Variants in TEX9 observed in about 807,000 individuals in gnomAD.
The protein encoded by TEX9 is testis-expressed protein 9.
A neutral mutation model predicts 59.6 loss-of-function variants in TEX9; 74 were observed. The ratio of observed to expected loss-of-function variants is 1.24; its 90% CI spans 1.03 to 1.51. TEX9 has a LOEUF of 1.51. Ranked by LOEUF, TEX9 falls within the 40% of genes most tolerant of loss-of-function variation. The pLI is 0.00. For missense variants in TEX9, 522 were observed against 447.8 expected, an observed-to-expected ratio of 1.17 and a Z score of -1.49; for synonymous variants, 186 against 152.2, an observed-to-expected ratio of 1.22 and a Z score of -1.64.
chr15:56,443,706 G>C (rs760490913), intron 12 of TEX9: 2 of 1,613,004 alleles, frequency 1.2e-6, no homozygotes, highest in Non-Finnish European at 1.7e-6. Context: ...TCTTCTCTTT[G>C]CTGCTGCATG....
intron 1 of TEX9, among the ~76,000 whole-genome samples, chr15:56,262,891 T>G (rs74616931): frequency 6.6e-6 from 1 of 152,202 alleles, no homozygotes; most frequent in African/African-American, 2.4e-5. Context: ...CCTTAAAGTT[T>G]ACTTTGTCTG....
intron 2 of TEX9, among the ~76,000 whole-genome samples, chr15:56,369,268 G>A (rs1446698400): frequency 6.6e-6 from 1 of 151,920 alleles, no homozygotes; most frequent in Non-Finnish European, 1.5e-5. Context: ...ATGGCTCATT[G>A]CAGCTTCCAC....
intron 9 of TEX9, chr15:56,395,379 A>G: frequency 6.6e-6 from 1 of 152,244 alleles, no homozygotes; most frequent in East Asian, 1.9e-4. Context: ...ATCAGTTCGT[A>G]GCTTTAGGTT....
intron 10 of TEX9, among the ~76,000 whole-genome samples, chr15:56,419,343 T>C (rs2049856725): frequency 6.6e-6 from 1 of 151,876 alleles, no homozygotes; most frequent in Admixed American, 6.5e-5. Context: ...CTTTGTGGGC[T>C]ACATATGGTC....
At chr15:56,245,511 A>G (rs545924339) in intron 1 of TEX9, among the ~76,000 whole-genome samples, 3 of 152,314 alleles carry the variant, frequency 2.0e-5, no homozygotes, top group African/African-American at 4.8e-5. Flanking sequence ...TTTTGCATAC[A>G]TATCTTCATG....
chr15:56,425,275 T>G (rs2050187037), intron 10 of TEX9, among the ~76,000 whole-genome samples: 1 of 152,206 alleles, frequency 6.6e-6, no homozygotes, highest in South Asian at 2.1e-4. Flanking sequence ...ATCCATTTCT[T>G]TCCTTAAATT....
chr15:56,348,961 C>A (rs2046524758), intron 1 of TEX9, among the ~76,000 whole-genome samples: 1 of 151,118 alleles, frequency 6.6e-6, no homozygotes, highest in Non-Finnish European at 1.5e-5. Flanking sequence ...TGAATAATTT[C>A]TACGGACCTA....
chr15:56,408,224 C>T (rs943033108), intron 9 of TEX9, among the ~76,000 whole-genome samples: 1 of 152,210 alleles, frequency 6.6e-6, no homozygotes, highest in Non-Finnish European at 1.5e-5. Context: ...CATCTCTACC[C>T]TGCCATTGAA....
intron 12 of TEX9, among the ~76,000 whole-genome samples, chr15:56,436,007 A>G (rs1210567333): frequency 1.3e-5 from 2 of 152,066 alleles, no homozygotes; most frequent in Non-Finnish European, 2.9e-5. Context: ...TCAATGTAAT[A>G]TACTTGGCTA....
intron 3 of TEX9, among the ~76,000 whole-genome samples, chr15:56,379,207 G>T (rs1308025413): frequency 1.3e-5 from 2 of 151,950 alleles, no homozygotes; most frequent in Non-Finnish European, 2.9e-5. Flanking sequence ...TTCCCTCTCA[G>T]TACTGCTTTC....
intron 3 of TEX9, among the ~76,000 whole-genome samples, chr15:56,383,351 G>C (rs1239249333): frequency 6.6e-6 from 1 of 152,294 alleles, no homozygotes; most frequent in East Asian, 1.9e-4. Context: ...GTTAAAACCA[G>C]GTACTGTGTT....
rs974772471 is a variant in TEX9, at chr15:56,400,339, G to C, written c.828+5505G>C. On this transcript the variant is annotated intron_variant, in intron 9 of 12. Coordinates refer to ENST00000352903, the Ensembl canonical transcript of TEX9. ...CGGCACGAAAACTCCGTGATGCGTG[G>C]ACAAGCTTCAATAGCCAATTTGATC... Among the ~76,000 whole-genome samples, 4 of 152,140 alleles carry C rather than the reference G, an allele frequency of 2.6e-5. 1 individual carries two copies. The highest frequency in any genetic ancestry group is 2.1e-4 in the South Asian group (1 of 4,828).
chr15:56,338,508 C>CCCTT (rs1324195623), intron 1 of TEX9, among the ~76,000 whole-genome samples: 1 of 152,178 alleles, frequency 6.6e-6, no homozygotes, highest in East Asian at 1.9e-4. Flanking sequence ...AGACAGTGAT[C>CCCTT]CCTTGTATAG....
rs192539881 is a variant in TEX9, at chr15:56,302,817, A to T, written c.-107+58539A>T. ...TAATCGGTTGCCTATTCCAAGAAAC[A>T]CACTTCACCTATAAAGACACACATA... On this transcript the variant is annotated intron_variant, in intron 1 of 5. Transcript: ENST00000560827. Among the ~76,000 whole-genome samples, 13 of 152,330 alleles carry T rather than the reference A, an allele frequency of 8.5e-5. No homozygotes were observed. In the East Asian group the frequency reaches 2.5e-3, roughly 29 times the overall value.
rs1489092511 is a variant in TEX9 at position 56,267,139 on chromosome 15, T to A, written c.-107+22861T>A. 2.6e-5 allele frequency among the ~76,000 whole-genome samples: 4 copies of A among 152,240 alleles called. No individual in the cohort carries two copies. The East Asian group carries it at 7.7e-4, about 29-fold the overall frequency. On this transcript the variant is annotated intron_variant, in intron 1 of 5. Coordinates refer to the TEX9 transcript ENST00000560827. ...TAAATGTCTTCTTTTGAAAAGTGTC[T>A]GTTCATGTCCTTTGCCCAGTTTTTG...
intron 1 of TEX9, among the ~76,000 whole-genome samples, chr15:56,344,014 T>C (rs1379594622): frequency 6.6e-6 from 1 of 152,132 alleles, no homozygotes; most frequent in Non-Finnish European, 1.5e-5. Flanking sequence ...AGATGGACAA[T>C]AACAAATGTT....
intron 4 of TEX9, among the ~76,000 whole-genome samples, chr15:56,386,142 A>C (rs1391558377): frequency 6.6e-6 from 1 of 152,100 alleles, no homozygotes; most frequent in Non-Finnish European, 1.5e-5. Context: ...TACTAATAGA[A>C]TAACAACATA....
intron 10 of TEX9, among the ~76,000 whole-genome samples, chr15:56,424,712 T>C (rs976694466): frequency 6.6e-6 from 1 of 152,174 alleles, no homozygotes; most frequent in African/African-American, 2.4e-5. Flanking sequence ...TTAACAAAGA[T>C]TTATAGTATT....
chr15:56,429,186 A>G, intron 12 of TEX9: 1 of 1,588,148 alleles, frequency 6.3e-7, no homozygotes, highest in African/African-American at 1.4e-5. Context: ...CTCTTTTTTA[A>G]ATACTCCCTA....
Sources: allele counts gnomAD v4.1 joint callset (sites outside exome capture counted in the v4.1 genomes callset), GRCh38; gene constraint gnomAD v4.1.1; transcripts MANE v1.5; gene names NCBI Gene and HGNC (gene_info 2026-07-23, HGNC 2026-07-21).